PFN1: variants seen among roughly 807,000 people sequenced by gnomAD.
PFN1 encodes profilin 1.
In PFN1, 2 loss-of-function variants were observed where a neutral mutation model predicts 11.7. The ratio of observed to expected loss-of-function variants is 0.17; its 90% CI spans 0.07 to 0.54. PFN1 has a LOEUF of 0.54. Among genes scored for constraint, PFN1 ranks in the 20% least tolerant of loss-of-function variants. PFN1 has a pLI of 0.94. For synonymous variants in PFN1, 78 were observed against 76.2 expected (o/e 1.02, Z -0.12); for missense variants, 97 against 188.4 (o/e 0.51, Z 2.84).
rs546700179 is a variant in PFN1 at position 4,945,914 on chromosome 17, G to A, written c.409C>T (p.Arg137Cys). Residue 137 changes from arginine to cysteine, a missense_variant, in exon 3 of 3, where the codon CGT (arginine) becomes TGT (cysteine). Coordinates refer to ENST00000225655, the MANE Select transcript of PFN1 (RefSeq NM_005022.4). ...GACAGACGAGGTCAGTACTGGGAAC[G>A]CCGAAGGTGGGAGGCCATTTCATAA... Reference protein sequence around the residue: ...KCYEMASHLRRSQY With the variant: ...KCYEMASHLRCSQY The A allele has an allele frequency of 1.8e-5, 29 of 1,604,898 alleles. No homozygotes were observed. Among genetic ancestry groups the A allele is most frequent in the Non-Finnish European group, 2.1e-5 (25 of 1,171,552 alleles).
rs1044992633 is a variant in PFN1 at position 4,948,382 on chromosome 17, T to C, written c.13A>G (p.Asn5Asp). The change falls in exon 1 of 3, where the codon AAC (asparagine) becomes GAC (aspartate). Residue 5 changes from asparagine to aspartate, a missense_variant. Asn to Asp is a conservative substitution (Grantham distance 23). Transcript: ENST00000225655. The part of the protein sequence containing the change: MAGW[N>D]AYIDNLMADG... ...GCCATGAGGTTGTCGATGTAGGCGTTCCACCCGGCCATGGCGCTGCTACTG... is the reference window on the plus strand; with the variant it reads ...GCCATGAGGTTGTCGATGTAGGCGTCCCACCCGGCCATGGCGCTGCTACTG... 6.2e-7 allele frequency: 1 copy of C among 1,606,150 alleles called. No individual in the cohort carries two copies. Among genetic ancestry groups the C allele is most frequent in the Non-Finnish European group, 8.5e-7 (1 of 1,177,814 alleles).
intron 2 of PFN1, 46 bp from the exon 3 acceptor site, chr17:4,946,043 A>T: frequency 7.2e-7 from 1 of 1,394,796 alleles, no homozygotes; most frequent in Non-Finnish European, 1.0e-6. Context: ...CAGGTGTCAC[A>T]ATTCCACCCC....
chr17:4,948,037 G>C (rs2151135878), intron 1 of PFN1: 1 of 460,926 alleles, frequency 2.2e-6, no homozygotes, highest in South Asian at 3.7e-5. Context: ...ACGCCCCGTC[G>C]CGGAAAGCGG....
intron 2 of PFN1, among the ~76,000 whole-genome samples, chr17:4,946,366 T>C (rs1262810586): frequency 2.0e-5 from 3 of 152,178 alleles, no homozygotes; most frequent in African/African-American, 7.2e-5. Flanking sequence ...CCTATACTCC[T>C]AGAAAACAGT....
rs879858603 is a variant in PFN1 at position 4,948,027 on chromosome 17, A to G, written c.132+236T>C. On this transcript the variant is annotated intron_variant, in intron 1 of 2. Transcript: ENST00000225655. ...CTCCCCGCCCTGTGCCCCGGATGTA[A>G]CGCCCCGTCGCGGAAAGCGGGGTAG... 6.7e-6 allele frequency: 3 copies of G among 448,422 alleles called. No homozygotes were observed. The Admixed American group carries it at 1.3e-4, about 20-fold the overall frequency. 27.8% of individuals were successfully genotyped at this position (448,422 alleles called of 1,614,324 possible).
At chr17:4,948,034 G>T in intron 1 of PFN1, 1 of 440,982 alleles carries the variant, frequency 2.3e-6, no homozygotes, top group Non-Finnish European at 4.0e-6. Flanking sequence ...GTAACGCCCC[G>T]TCGCGGAAAG....
rs1362004206 is a variant in PFN1 at position 4,946,730 on chromosome 17, G to T, written c.223C>A (p.Arg75=). 1 of 1,614,054 alleles carries T rather than the reference G, an allele frequency of 6.2e-7. No individual in the cohort carries two copies. Among genetic ancestry groups the T allele is most frequent in the Non-Finnish European group, 8.5e-7 (1 of 1,179,982 alleles). Residue 75 remains arginine (R), a synonymous_variant, in exon 2 of 3, where the codon CGG becomes AGG. Coordinates refer to ENST00000225655, the MANE Select transcript of PFN1 (RefSeq NM_005022.4). The part of the protein sequence containing the change: ...TLGGQKCSVI[R]DSLLQDGEFS... Reference sequence around the variant, plus strand: ...TCCCCATCCTGCAGCAGTGAGTCCCGGATCACCGAACATTTCTGGCCCCCA... The same window carrying T: ...TCCCCATCCTGCAGCAGTGAGTCCCTGATCACCGAACATTTCTGGCCCCCA...
In PFN1 at chr17:4,945,677, GAAAAA is replaced by G; in HGVS notation, c.*218_*222del. 1 of 420,114 alleles carries G rather than the reference GAAAAA, an allele frequency of 2.4e-6. No homozygotes were observed. Among genetic ancestry groups the G allele is most frequent in the South Asian group, 3.7e-5 (1 of 27,076 alleles). 26.0% of individuals were successfully genotyped at this position (420,114 alleles called of 1,614,324 possible). A position where few individuals can be genotyped will look rare whatever the true frequency, so the allele number is the denominator to read the frequency against. ...TTGTTAGTAGAATCTTTTTTATTCA[GAAAAA>G]AAAAACCCCAAAAAACAAAAGTTTT... On this transcript the variant is annotated 3_prime_UTR_variant, in exon 3 of 3. Transcript: ENST00000225655.
At chr17:4,947,464 GC>G (rs1185437365) in intron 1 of PFN1, 2 of 31,272 alleles carry the variant, frequency 6.4e-5, no homozygotes, top group East Asian at 1.8e-3. Context: ...TTCACCCCAA[GC>G]CCCCACATCC....
intron 1 of PFN1, 22 bp downstream of exon 1, chr17:4,948,241 G>A: frequency 6.3e-7 from 1 of 1,590,462 alleles, no homozygotes; most frequent in Non-Finnish European, 8.6e-7. Context: ...CAGTGCCCCG[G>A]ACCGCGCAGG....
intron 1 of PFN1, 104 bp downstream of exon 1, chr17:4,948,159 A>G (rs1232296610): frequency 2.2e-6 from 3 of 1,348,410 alleles, no homozygotes; most frequent in African/African-American, 3.0e-5. Flanking sequence ...GCACCCAGTC[A>G]GGGCCTCTCG....
rs780168473 is a variant in PFN1 at position 4,945,877 on chromosome 17, T to C, written c.*23A>G. ...AGGGGTGCAAAGCTGTGGGGAGCGG[T>C]GAAGGGGAAGGGACAGACGAGGTCA... On this transcript the variant is annotated 3_prime_UTR_variant, in exon 3 of 3. Transcript: ENST00000225655. 86 of 1,451,626 alleles carry C rather than the reference T, an allele frequency of 5.9e-5. 1 individual carries two copies. Among genetic ancestry groups the C allele is most frequent in the Non-Finnish European group, 7.9e-5 (82 of 1,032,910 alleles). 89.9% of individuals were successfully genotyped at this position (1,451,626 alleles called of 1,614,324 possible). A position where few individuals can be genotyped will look rare whatever the true frequency, so the allele number is the denominator to read the frequency against.
intron 1 of PFN1, chr17:4,947,465 C>T (rs1971426192): frequency 7.3e-6 from 1 of 136,292 alleles, no homozygotes; most frequent in Admixed American, 7.5e-5. Context: ...TCACCCCAAG[C>T]CCCCACATCC....
At chr17:4,948,083 TAGG>T in intron 1 of PFN1, 177 bp downstream of exon 1, 1 of 610,402 alleles carries the variant, frequency 1.6e-6, no homozygotes, top group Non-Finnish European at 2.6e-6. Context: ...GCCTGGGGCA[TAGG>T]ACCTACGGGC....
At chr17:4,947,335 A>T (rs1044036202) in intron 1 of PFN1, 1 of 152,112 alleles carries the variant, frequency 6.6e-6, no homozygotes, top group Non-Finnish European at 1.5e-5. Context: ...TGAGATGAGG[A>T]AGCAGACCCC....
At position 4,945,688 on chromosome 17, in the gene PFN1, C is replaced by T. The variant is rs563647031; in HGVS notation, c.*212G>A. The T allele has an allele frequency of 3.8e-5, 17 of 444,716 alleles. No individual in the cohort carries two copies. The highest frequency in any genetic ancestry group is 5.7e-5 in the Non-Finnish European group (14 of 245,308). The allele number at this position is 444,716 out of a possible 1,614,324, so 27.5% of individuals were successfully genotyped here. A position where few individuals can be genotyped will look rare whatever the true frequency, so the allele number is the denominator to read the frequency against. On this transcript the variant is annotated 3_prime_UTR_variant, in exon 3 of 3. Coordinates refer to ENST00000225655, the MANE Select transcript of PFN1 (RefSeq NM_005022.4). The stretch of plus-strand genomic sequence containing the variant: ...ATCTTTTTTATTCAGAAAAAAAAAA[C>T]CCCAAAAAACAAAAGTTTTCCAACC...
chr17:4,945,820 A>T lies in PFN1; in HGVS notation c.*80T>A. ...AGGGGTATGGGGTAATGGCCCAAAAAATAAAATGGTTTGTGTGTGTATGGG... is the reference window on the plus strand; with the variant it reads ...AGGGGTATGGGGTAATGGCCCAAAATATAAAATGGTTTGTGTGTGTATGGG... On this transcript the variant is annotated 3_prime_UTR_variant, in exon 3 of 3. Transcript: ENST00000225655. The T allele has an allele frequency of 1.0e-6, 1 of 1,004,130 alleles. No homozygotes were observed. Among genetic ancestry groups the T allele is most frequent in the Non-Finnish European group, 1.6e-6 (1 of 633,440 alleles). The allele number at this position is 1,004,130 out of a possible 1,614,324, so 62.2% of individuals were successfully genotyped here. A position where few individuals can be genotyped will look rare whatever the true frequency, so the allele number is the denominator to read the frequency against.
intron 1 of PFN1, chr17:4,947,065 C>G (rs1437626745): frequency 2.6e-6 from 1 of 386,598 alleles, no homozygotes; most frequent in Non-Finnish European, 4.6e-6. Flanking sequence ...ATGACATACT[C>G]CTCTAGAGAT....
At chr17:4,947,433 G>A (rs12945178) in intron 1 of PFN1, 4 of 151,574 alleles carry the variant, frequency 2.6e-5, no homozygotes, top group African/African-American at 7.3e-5. Context: ...GGTACCCCGG[G>A]AACCTTTCCC....
Sources: gnomAD v4.1 joint callset for allele counts (sites outside exome capture counted in the v4.1 genomes callset) on GRCh38, gnomAD v4.1.1 for gene constraint, MANE v1.5 for transcripts, NCBI Gene and HGNC (gene_info 2026-07-23, HGNC 2026-07-21) for gene names.